PTPRN2: variants seen among roughly 807,000 people sequenced by gnomAD.
The protein encoded by PTPRN2 is receptor-type tyrosine-protein phosphatase N2.
A neutral mutation model predicts 118.8 loss-of-function variants in PTPRN2; 74 were observed. The observed-to-expected ratio is 0.62, with a 90% CI of 0.52 to 0.76. PTPRN2 has a LOEUF of 0.76. PTPRN2 is among the 30% of genes least tolerant of loss of function. PTPRN2 has a pLI of 0.00. For missense variants in PTPRN2, 1,481 were observed against 1,394.4 expected (o/e 1.06, Z -0.99); for synonymous variants, 641 against 608.0 (o/e 1.05, Z -0.80).
intron 1 of PTPRN2, among the ~76,000 whole-genome samples, chr7:158,573,679 G>T (rs1828170504): frequency 6.6e-6 from 1 of 152,174 alleles, no homozygotes; most frequent in African/African-American, 2.4e-5. Context: ...CTCTTTTCCA[G>T]CTCTGAGAGT....
intron 2 of PTPRN2, among the ~76,000 whole-genome samples, chr7:158,399,828 T>A (rs1467278699): frequency 1.3e-5 from 2 of 152,170 alleles, no homozygotes; most frequent in Non-Finnish European, 2.9e-5. Flanking sequence ...AGGGGTGGTG[T>A]AGCTGAGGTA....
chr7:157,956,327 ACATCTGGGTT>A (rs1190041736), intron 11 of PTPRN2, among the ~76,000 whole-genome samples: 1 of 152,146 alleles, frequency 6.6e-6, no homozygotes, highest in African/African-American at 2.4e-5. Flanking sequence ...GCTCCGGTCC[ACATCTGGGTT>A]CATTTGGTGT....
At chr7:158,189,755 C>T (rs371707589) in intron 5 of PTPRN2, among the ~76,000 whole-genome samples, 7 of 152,350 alleles carry the variant, frequency 4.6e-5, no homozygotes, top group African/African-American at 1.7e-4. Flanking sequence ...CGTGACGTCA[C>T]GGCGCCGTTA....
Position 157,808,950 on chromosome 7 carries a change from T to C in PTPRN2, c.1788+89723A>G, listed in dbSNP as rs1393595631. 2.0e-5 allele frequency among the ~76,000 whole-genome samples: 3 copies of C among 152,196 alleles called. No individual in the cohort carries two copies. The highest frequency in any genetic ancestry group is 7.2e-5 in the African/African-American group (3 of 41,444). ...GTGTGTCACTTGCTTTTATGTGGAA[T>C]GTGGGCAGTTCTTAAAACTTTATTT... On this transcript the variant is annotated intron_variant, in intron 12 of 22. Transcript: ENST00000389418. This position sits in a 1 kb window ranked among gnomAD's most constrained non-coding sequence, Gnocchi z 5.0.
chr7:158,461,074 A>G (rs544445435), intron 2 of PTPRN2, among the ~76,000 whole-genome samples: 4 of 152,354 alleles, frequency 2.6e-5, no homozygotes, highest in African/African-American at 9.6e-5. Flanking sequence ...ACTATGGAGG[A>G]TTCTGCCCGA....
At chr7:157,827,427 G>T (rs1367812425) in intron 12 of PTPRN2, among the ~76,000 whole-genome samples, 1 of 147,626 alleles carries the variant, frequency 6.8e-6, no homozygotes, top group African/African-American at 2.4e-5. Context: ...GGCCGTGGCT[G>T]TCTGGAGGCC....
chr7:158,347,999 G>A (rs9801465), intron 2 of PTPRN2, among the ~76,000 whole-genome samples: 144,909 of 152,160 alleles, frequency 0.95, 69,030 homozygotes, highest in Non-Finnish European at 0.96. Flanking sequence ...GCTCCCTTGC[G>A]GCCCAGGAGC....
chr7:157,593,801 C>T (rs1387313336), intron 17 of PTPRN2, among the ~76,000 whole-genome samples: 3 of 152,186 alleles, frequency 2.0e-5, no homozygotes, highest in African/African-American at 7.2e-5. Flanking sequence ...ATGTTCTCAC[C>T]GGGCTGGGCG....
At chr7:158,210,464 A>G (rs1827514109) in intron 3 of PTPRN2, among the ~76,000 whole-genome samples, 1 of 152,230 alleles carries the variant, frequency 6.6e-6, no homozygotes, top group Non-Finnish European at 1.5e-5. Context: ...AAGAAAAGAA[A>G]TAATAAAGAT....
chr7:158,375,041 T>G (rs776192905), intron 2 of PTPRN2, among the ~76,000 whole-genome samples: 1 of 152,158 alleles, frequency 6.6e-6, no homozygotes, highest in Non-Finnish European at 1.5e-5. Flanking sequence ...AAAAGATAGA[T>G]GAGAAACTCC....
chr7:158,035,918 G>A (rs1220138519), intron 11 of PTPRN2, among the ~76,000 whole-genome samples: 2 of 152,188 alleles, frequency 1.3e-5, no homozygotes, highest in Non-Finnish European at 2.9e-5. Flanking sequence ...GAGAAAGTGT[G>A]AGCAAAATTT....
intron 2 of PTPRN2, among the ~76,000 whole-genome samples, chr7:158,410,066 T>A (rs533651989): frequency 2.0e-4 from 31 of 152,276 alleles, no homozygotes; most frequent in African/African-American, 7.2e-4. Flanking sequence ...TTCGGTTTCC[T>A]CCTACGGCTG....
At chr7:158,407,185 GGGT>G (rs1813563862) in intron 2 of PTPRN2, among the ~76,000 whole-genome samples, 1 of 19,440 alleles carries the variant, frequency 5.1e-5, no homozygotes, top group Non-Finnish European at 1.5e-4. Flanking sequence ...CCTGCGTCCT[GGGT>G]CCTGGGTCCT....
chr7:157,695,804 A>G lies in PTPRN2; in HGVS notation c.1789-12867T>C, dbSNP rs541754227. Among the ~76,000 whole-genome samples, 4 of 152,260 alleles carry G rather than the reference A, an allele frequency of 2.6e-5. No homozygotes were observed. The South Asian group carries it at 8.3e-4, about 32-fold the overall frequency. On this transcript the variant is annotated intron_variant, in intron 12 of 22. Coordinates refer to ENST00000389418, the MANE Select transcript of PTPRN2 (RefSeq NM_002847.5). ...GGTAAGTCCATTGCAACAATAGGGC[A>G]GTGAAACAACTGCATCTTAGTAGAG...
chr7:157,664,428 G>A (rs758586741), intron 13 of PTPRN2, among the ~76,000 whole-genome samples: 1 of 152,228 alleles, frequency 6.6e-6, no homozygotes, highest in Non-Finnish European at 1.5e-5. Context: ...AATGGCCATC[G>A]CCACTACGAA....
chr7:158,202,915 C>G (rs1826747489), intron 4 of PTPRN2, among the ~76,000 whole-genome samples: 2 of 151,958 alleles, frequency 1.3e-5, no homozygotes, highest in Non-Finnish European at 1.5e-5. Context: ...CAGACAAAGA[C>G]CATATACAGA....
intron 11 of PTPRN2, among the ~76,000 whole-genome samples, chr7:158,067,768 C>T (rs113575856): frequency 0.027 from 4,166 of 151,880 alleles, 74 homozygotes; most frequent in Middle Eastern, 0.048. Flanking sequence ...AGCAGCACAC[C>T]GGGTCAGGCC....
intron 12 of PTPRN2, among the ~76,000 whole-genome samples, chr7:157,712,784 A>T (rs1461217657): frequency 6.6e-6 from 1 of 150,564 alleles, no homozygotes; most frequent in Non-Finnish European, 1.5e-5. Context: ...AGGGAAATTC[A>T]GACACAGACA....
At chr7:157,946,842 C>T (rs1383281075) in intron 11 of PTPRN2, among the ~76,000 whole-genome samples, 1 of 152,238 alleles carries the variant, frequency 6.6e-6, no homozygotes, top group Non-Finnish European at 1.5e-5. Flanking sequence ...GAAGTACATG[C>T]ACAAACCACC....
Sources: gnomAD v4.1 joint callset for allele counts (sites outside exome capture counted in the v4.1 genomes callset) on GRCh38, gnomAD v4.1.1 for gene constraint, Gnocchi (gnomAD v3.1) non-coding constraint, MANE v1.5 for transcripts, NCBI Gene and HGNC (gene_info 2026-07-23, HGNC 2026-07-21) for gene names.